The following PLEKHA5 variants were observed in gnomAD, a reference collection of about 807,000 sequenced individuals.
PLEKHA5 encodes the protein pleckstrin homology domain-containing family A member 5.
PLEKHA5 carries 55 observed loss-of-function variants against 181.9 expected under a neutral mutation model. That is an observed-to-expected ratio of 0.30 (90% CI 0.24 to 0.38). PLEKHA5 has a LOEUF of 0.38. PLEKHA5 is among the 10% of genes least tolerant of loss of function. The pLI is 1.00. For synonymous variants in PLEKHA5, 535 were observed against 529.4 expected (o/e 1.01, Z -0.15); for missense variants, 1,432 against 1,549.5 (o/e 0.92, Z 1.27).
At chr12:19,330,486 C>A (rs1358764829) in intron 20 of PLEKHA5, among the ~76,000 whole-genome samples, 1 of 151,912 alleles carries the variant, frequency 6.6e-6, no homozygotes, top group African/African-American at 2.4e-5. Flanking sequence ...CCAGTGTAGT[C>A]ATTAGATAGT....
intron 3 of PLEKHA5, among the ~76,000 whole-genome samples, chr12:19,173,005 C>CTTTT (rs71064064): frequency 0.072 from 2,399 of 33,150 alleles, 706 homozygotes; most frequent in Middle Eastern, 0.17. Context: ...ATTTCCCTTT[C>CTTTT]TTTTTTTTTT....
At chr12:19,202,510 T>C (rs1399606867) in intron 3 of PLEKHA5, among the ~76,000 whole-genome samples, 1 of 152,026 alleles carries the variant, frequency 6.6e-6, no homozygotes, top group Non-Finnish European at 1.5e-5. Context: ...TTGAAAGGTT[T>C]CTGGACCCTG....
At chr12:19,366,161 T>C (rs781365211) in intron 30 of PLEKHA5, 52 bp downstream of exon 30, 2 of 1,423,102 alleles carry the variant, frequency 1.4e-6, no homozygotes, top group Admixed American at 4.1e-5. Flanking sequence ...TCTGAACTTC[T>C]AAATTTATTT....
intron 3 of PLEKHA5, among the ~76,000 whole-genome samples, chr12:19,198,009 T>A (rs1160658874): frequency 6.6e-6 from 1 of 152,034 alleles, no homozygotes; most frequent in African/African-American, 2.4e-5. Flanking sequence ...TGCTCACTTC[T>A]CTCCATCTCT....
chr12:19,138,765 T>C (rs1303198437), intron 3 of PLEKHA5, among the ~76,000 whole-genome samples: 1 of 151,968 alleles, frequency 6.6e-6, no homozygotes, highest in Non-Finnish European at 1.5e-5. Context: ...GGAACACGTA[T>C]AATATGTGAA....
intron 10 of PLEKHA5, among the ~76,000 whole-genome samples, chr12:19,271,133 A>G (rs1276317482): frequency 4.6e-5 from 7 of 152,198 alleles, no homozygotes; most frequent in Admixed American, 1.3e-4. Flanking sequence ...TTGGAATTGC[A>G]TGTGTAAAAA....
Position 19,231,604 on chromosome 12 carries a change from A to ACATG in PLEKHA5, c.228-22336_228-22335insCATG, listed in dbSNP as rs1555117578. ...TATATATTTATATATGTACACATAT[A>ACATG]TATATATAAATACTCATAAAGCTTG... On this transcript the variant is annotated intron_variant, in intron 3 of 31. Transcript: ENST00000429027. 5.1e-5 allele frequency among the ~76,000 whole-genome samples: 4 copies of ACATG among 78,136 alleles called. 1 individual carries two copies. Among genetic ancestry groups the ACATG allele is most frequent in the Admixed American group, 3.5e-4 (3 of 8,688 alleles). 51.3% of individuals were successfully genotyped at this position (78,136 alleles called of 152,430 possible).
intron 3 of PLEKHA5, among the ~76,000 whole-genome samples, chr12:19,170,838 G>C (rs1056217942): frequency 3.9e-5 from 6 of 152,214 alleles, no homozygotes; most frequent in Admixed American, 3.3e-4. Context: ...CTTCCTGGCT[G>C]AGAGGGCAGG....
At chr12:19,181,463 G>A (rs1413159669) in intron 3 of PLEKHA5, among the ~76,000 whole-genome samples, 1 of 152,164 alleles carries the variant, frequency 6.6e-6, no homozygotes, top group Non-Finnish European at 1.5e-5. Context: ...GGCTGTATTG[G>A]TTATTTTGAT....
intron 3 of PLEKHA5, among the ~76,000 whole-genome samples, chr12:19,166,926 C>A (rs969751687): frequency 6.6e-6 from 1 of 152,116 alleles, no homozygotes; most frequent in Non-Finnish European, 1.5e-5. Flanking sequence ...TTTAAAACTA[C>A]AAAGTATTAT....
chr12:19,163,537 T>A (rs1329603892), intron 3 of PLEKHA5, among the ~76,000 whole-genome samples: 2 of 152,066 alleles, frequency 1.3e-5, no homozygotes, highest in Admixed American at 1.3e-4. Context: ...GAGAGTCTAT[T>A]TTGTCTGAGA....
At chr12:19,281,281 C>G (rs535198361) in intron 11 of PLEKHA5, among the ~76,000 whole-genome samples, 20 of 151,704 alleles carry the variant, frequency 1.3e-4, no homozygotes, top group Middle Eastern at 6.9e-3. Context: ...ACCTACACCT[C>G]TGTATCTAAA....
In PLEKHA5 at chr12:19,359,451, A is replaced by G; in HGVS notation, c.3388A>G (p.Arg1130Gly). ...RDDKELDTAI[R>G]ENDVKPDHET... ...TGATAAGGAACTGGACACTGCCATT[A>G]GAGAAAATGATGTAAAGCCAGACCA... The change falls in exon 28 of 32, where the codon AGA becomes GGA. Residue 1130 changes from arginine (R) to glycine (G), a missense_variant. Transcript: ENST00000429027. The G allele has an allele frequency of 6.2e-7, 1 of 1,613,634 alleles. No individual in the cohort carries two copies. The highest frequency in any genetic ancestry group is 8.5e-7 in the Non-Finnish European group (1 of 1,179,550).
chr12:19,210,238 A>T (rs763433810), intron 3 of PLEKHA5, among the ~76,000 whole-genome samples: 1 of 152,170 alleles, frequency 6.6e-6, no homozygotes, highest in Non-Finnish European at 1.5e-5. Context: ...TCATTTTTCC[A>T]CAGACGTTTT....
intron 21 of PLEKHA5, among the ~76,000 whole-genome samples, chr12:19,340,276 A>G (rs376511023): frequency 1.4e-3 from 213 of 152,236 alleles, no homozygotes; most frequent in Middle Eastern, 3.4e-3. Context: ...GAAAACTCAA[A>G]TTACTAACAC....
At chr12:19,251,836 T>C (rs1444591533) in intron 3 of PLEKHA5, among the ~76,000 whole-genome samples, 1 of 150,874 alleles carries the variant, frequency 6.6e-6, no homozygotes, top group Admixed American at 6.6e-5. Context: ...GGGGACAAAC[T>C]TTGGTAGAAT....
At chr12:19,326,680 G>T (rs1283413934) in intron 20 of PLEKHA5, among the ~76,000 whole-genome samples, 1 of 152,100 alleles carries the variant, frequency 6.6e-6, no homozygotes, top group East Asian at 1.9e-4. Context: ...CATCACCCAG[G>T]TACCTAGCAT....
intron 31 of PLEKHA5, among the ~76,000 whole-genome samples, chr12:19,370,156 G>A (rs2095540282): frequency 6.6e-6 from 1 of 152,204 alleles, no homozygotes; most frequent in Admixed American, 6.5e-5. Context: ...CGTTGACTAT[G>A]TAATGCTTTT....
At chr12:19,275,689 G>A (rs1280996278) in intron 11 of PLEKHA5, among the ~76,000 whole-genome samples, 2 of 152,068 alleles carry the variant, frequency 1.3e-5, no homozygotes, top group Non-Finnish European at 2.9e-5. Context: ...GATTGCTTGA[G>A]CCCAGGAGTT....
Sources: gnomAD v4.1 joint callset for allele counts (sites outside exome capture counted in the v4.1 genomes callset) on GRCh38, gnomAD v4.1.1 for gene constraint, MANE v1.5 for transcripts, NCBI Gene and HGNC (gene_info 2026-07-23, HGNC 2026-07-21) for gene names.